Variants in DOHH observed in about 807,000 individuals in gnomAD.
DOHH encodes deoxyhypusine hydroxylase, also known as HEAT-like (PBS lyase) repeat containing 1.
In DOHH, 16 loss-of-function variants were observed where a neutral mutation model predicts 19.9. The observed-to-expected ratio is 0.80, with a 90% CI of 0.54 to 1.22. The LOEUF is 1.22. Among genes scored for constraint, DOHH ranks in the 50% most tolerant of loss-of-function variants. The pLI is 0.00. For synonymous variants in DOHH, 233 were observed against 217.0 expected (o/e 1.07, Z -0.65); for missense variants, 460 against 460.6 (o/e 1.00, Z 0.01).
At chr19:3,499,404 G>C (rs565395806) in intron 1 of DOHH, among the ~76,000 whole-genome samples, 2 of 152,298 alleles carry the variant, frequency 1.3e-5, no homozygotes, top group African/African-American at 4.8e-5. Context: ...CTGAAGGCTG[G>C]GACTGAGTCT....
In DOHH at chr19:3,496,479, G is replaced by A. The variant is rs111364814; in HGVS notation, c.274+62C>T. On this transcript the variant is annotated intron_variant, in intron 2 of 4. Coordinates refer to ENST00000427575, the MANE Select transcript of DOHH (RefSeq NM_001145165.2). This position sits in a 1 kb window ranked among gnomAD's most constrained non-coding sequence, Gnocchi z 4.8. ...ATCACCTGAGTGAGGAAGGGGACAC[G>A]TGGGGTCATGAAGAAGTGAGGCAGG... The A allele has an allele frequency of 2.9e-4, 459 of 1,566,882 alleles. 2 individuals are homozygous for A. In the African/African-American group the frequency reaches 5.0e-3, roughly 17 times the overall value.
chr19:3,495,036 G>C (rs919346307), intron 2 of DOHH, among the ~76,000 whole-genome samples: 1 of 151,318 alleles, frequency 6.6e-6, no homozygotes, highest in Non-Finnish European at 1.5e-5. Flanking sequence ...ACAATGGCGC[G>C]ATCTCCACTC....
Position 3,496,487 on chromosome 19 carries a change from A to G in DOHH, c.274+54T>C, listed in dbSNP as rs992703726. The G allele has an allele frequency of 6.3e-7, 1 of 1,576,184 alleles. No individual in the cohort carries two copies. Among genetic ancestry groups the G allele is most frequent in the African/African-American group, 1.3e-5 (1 of 74,500 alleles). ...AGTGAGGAAGGGGACACGTGGGGTC[A>G]TGAAGAAGTGAGGCAGGAGGGAGCA... is the stretch of plus-strand genomic sequence containing the variant. On this transcript the variant is annotated intron_variant, in intron 2 of 4. Transcript: ENST00000427575. This position sits in a 1 kb window ranked among gnomAD's most constrained non-coding sequence, Gnocchi z 4.8.
In DOHH at chr19:3,491,661, C is replaced by G. The variant is rs1217258097; in HGVS notation, c.740G>C (p.Gly247Ala). 1 of 1,534,594 alleles carries G rather than the reference C, an allele frequency of 6.5e-7. No homozygotes were observed. The highest frequency in any genetic ancestry group is 8.7e-7 in the Non-Finnish European group (1 of 1,144,582). The change falls in exon 5 of 5, where the codon GGC (glycine) becomes GCC (alanine). Residue 247 changes from glycine (G) to alanine (A), a missense_variant. By Grantham distance (60) the Gly-to-Ala change is moderately conservative. Transcript: ENST00000427575. The surrounding 1 kb of genome is among the most constrained non-coding windows in gnomAD (Gnocchi z 5.6). ...CAGGCAGGCGGGCCGGGCAATGGCG[C>G]CCAGGGCCTCCGCGCACTCGTGCCG... The part of the protein sequence containing the change: ...MVRHECAEAL[G>A]AIARPACLAA...
rs1368066985 is a variant in DOHH, at chr19:3,500,604, C to T, written c.-116G>A. On this transcript the variant is annotated 5_prime_UTR_variant, in exon 1 of 5. Transcript: ENST00000427575. ...GACCCGTCGGCCCGGCCAGTAACCG[C>T]AGGCGCCTCTGCCACCACCGCTTCA... 6.6e-6 allele frequency: 1 copy of T among 152,274 alleles called. No individual in the cohort carries two copies. The highest frequency in any genetic ancestry group is 1.5e-5 in the Non-Finnish European group (1 of 68,080). The allele number at this position is 152,274 out of a possible 1,614,324, so 9.4% of individuals were successfully genotyped here. A position where few individuals can be genotyped will look rare whatever the true frequency, so the allele number is the denominator to read the frequency against.
Position 3,492,493 on chromosome 19 carries a change from C to T in DOHH, c.358G>A (p.Glu120Lys), listed in dbSNP as rs1045271426. 2 of 1,379,494 alleles carry T rather than the reference C, an allele frequency of 1.4e-6. No homozygotes were observed. The highest frequency in any genetic ancestry group is 1.9e-6 in the Non-Finnish European group (2 of 1,073,206). 85.5% of individuals were successfully genotyped at this position (1,379,494 alleles called of 1,614,324 possible). ...CTGCGCACGGCCAGCTGGCAGGTCT[C>T]GGCCACCTGCGGGGAGGGGGTATCA... ...YSSDPVIEVA[E>K]TCQLAVRRLE... The change falls in exon 4 of 5, where the codon GAG becomes AAG. Residue 120 changes from glutamate to lysine, a missense_variant. Physicochemically the swap from Glu to Lys is moderately conservative, Grantham distance 56. Transcript: ENST00000427575.
Position 3,496,661 on chromosome 19 carries a change from C to A in DOHH, c.154G>T (p.Ala52Ser). 1.2e-6 allele frequency: 2 copies of A among 1,613,972 alleles called. No individual in the cohort carries two copies. Among genetic ancestry groups the A allele is most frequent in the Non-Finnish European group, 1.7e-6 (2 of 1,179,986 alleles). ...WISQAFDDDS[A>S]LLKHELAYCL... ...TAGGCCAGCTCGTGCTTGAGCAGGGCGGAATCGTCATCGAAGGCCTGGCTG... is the reference window on the plus strand; with the variant it reads ...TAGGCCAGCTCGTGCTTGAGCAGGGAGGAATCGTCATCGAAGGCCTGGCTG... The change falls in exon 2 of 5, where the codon GCC becomes TCC. Residue 52 changes from alanine (A) to serine (S), a missense_variant. By Grantham distance (99) the Ala-to-Ser change is moderately conservative. Coordinates refer to ENST00000427575, the MANE Select transcript of DOHH (RefSeq NM_001145165.2). This position sits in a 1 kb window ranked among gnomAD's most constrained non-coding sequence, Gnocchi z 4.8.
Position 3,496,748 on chromosome 19 carries a change from C to A in DOHH, c.67G>T (p.Ala23Ser). 6.2e-7 allele frequency: 1 copy of A among 1,610,392 alleles called. No homozygotes were observed. The highest frequency in any genetic ancestry group is 1.1e-5 in the South Asian group (1 of 91,002). Reference sequence around the variant, plus strand: ...AGCGTGAACAGCGCCCGGAAGCGGGCCTGCAGGGGCTGCTTGGGGTCCACC... The same window carrying A: ...AGCGTGAACAGCGCCCGGAAGCGGGACTGCAGGGGCTGCTTGGGGTCCACC... The part of the protein sequence containing the change: ...TLVDPKQPLQ[A>S]RFRALFTLRG... The change falls in exon 2 of 5, where the codon GCC (alanine) becomes TCC (serine). Residue 23 changes from alanine to serine, a missense_variant. Ala to Ser is a moderately conservative substitution (Grantham distance 99). Transcript: ENST00000427575. The surrounding 1 kb of genome is among the most constrained non-coding windows in gnomAD (Gnocchi z 4.8).
At chr19:3,494,949 G>T (rs567768759) in intron 2 of DOHH, among the ~76,000 whole-genome samples, 1 of 151,578 alleles carries the variant, frequency 6.6e-6, no homozygotes, top group South Asian at 2.1e-4. Context: ...GGTCTCCTTC[G>T]CTGTCTAGGT....
chr19:3,491,078 G>A lies in DOHH; in HGVS notation c.*414C>T, dbSNP rs2082865472. The A allele has an allele frequency of 4.8e-6, 1 of 208,000 alleles. No homozygotes were observed. The highest frequency in any genetic ancestry group is 1.7e-4 in the East Asian group (1 of 5,880). The allele number at this position is 208,000 out of a possible 1,614,324, so 12.9% of individuals were successfully genotyped here. A position where few individuals can be genotyped will look rare whatever the true frequency, so the allele number is the denominator to read the frequency against. On this transcript the variant is annotated 3_prime_UTR_variant, in exon 5 of 5. Coordinates refer to ENST00000427575, the MANE Select transcript of DOHH (RefSeq NM_001145165.2). This position sits in a 1 kb window ranked among gnomAD's most constrained non-coding sequence, Gnocchi z 5.6. ...TCGCGATCCTCCCCTGGCTCCCCTC[G>A]CGATCCTCCCTTGGCTTCCCTCGCG... is the stretch of plus-strand genomic sequence containing the variant.
chr19:3,492,505 G>A lies in DOHH; in HGVS notation c.352-6C>T, dbSNP rs2122054538. On this transcript the variant is annotated splice_region_variant and splice_polypyrimidine_tract_variant and intron_variant, in intron 3 of 4. Coordinates refer to ENST00000427575, the MANE Select transcript of DOHH (RefSeq NM_001145165.2). ...AGCTGGCAGGTCTCGGCCACCTGCG[G>A]GGAGGGGGTATCAGGCAGCGGGTTG... The A allele has an allele frequency of 3.6e-6, 5 of 1,376,830 alleles. No individual in the cohort carries two copies. The highest frequency in any genetic ancestry group is 4.7e-6 in the Non-Finnish European group (5 of 1,071,990). The allele number at this position is 1,376,830 out of a possible 1,614,324, so 85.3% of individuals were successfully genotyped here.
intron 3 of DOHH, among the ~76,000 whole-genome samples, chr19:3,492,806 G>T (rs1336535276): frequency 6.6e-6 from 1 of 152,190 alleles, no homozygotes; most frequent in East Asian, 1.9e-4. Context: ...AGGACCCTGC[G>T]GGAGGGGTGA....
intron 1 of DOHH, among the ~76,000 whole-genome samples, chr19:3,498,127 C>T (rs2082923551): frequency 1.3e-5 from 2 of 152,176 alleles, no homozygotes; most frequent in African/African-American, 4.8e-5. Flanking sequence ...CACAGGCCTC[C>T]TCGCTGTTCC....
intron 2 of DOHH, among the ~76,000 whole-genome samples, chr19:3,495,844 G>C (rs1483106072): frequency 6.6e-6 from 1 of 151,532 alleles, no homozygotes; most frequent in East Asian, 2.0e-4. Context: ...GGGAGGCAGA[G>C]GTTGCAGTGA....
Position 3,496,523 on chromosome 19 carries a change from A to G in DOHH, c.274+18T>C. 6.3e-7 allele frequency: 1 copy of G among 1,599,568 alleles called. No homozygotes were observed. On this transcript the variant is annotated intron_variant, in intron 2 of 4. Coordinates refer to ENST00000427575, the MANE Select transcript of DOHH (RefSeq NM_001145165.2). This position sits in a 1 kb window ranked among gnomAD's most constrained non-coding sequence, Gnocchi z 4.8. ...AGGCAGGAGGGAGCAGGTGCCCGGG[A>G]CACAGACAGGTGCTCACCTGCCTCA...
intron 1 of DOHH, among the ~76,000 whole-genome samples, chr19:3,499,637 T>C (rs1342005664): frequency 3.3e-5 from 5 of 151,904 alleles, no homozygotes; most frequent in Non-Finnish European, 5.9e-5. Flanking sequence ...CTGGGCGTGG[T>C]GGTGGGCGCC....
intron 3 of DOHH, among the ~76,000 whole-genome samples, 177 bp from the exon 4 acceptor site, chr19:3,492,676 G>A (rs1220242810): frequency 2.0e-5 from 3 of 152,198 alleles, no homozygotes; most frequent in African/African-American, 7.2e-5. Context: ...CCGGGGGACT[G>A]GAGGGCTGGG....
In DOHH at chr19:3,491,442, G is replaced by C. The variant is rs1568219840; in HGVS notation, c.*50C>G. On this transcript the variant is annotated 3_prime_UTR_variant, in exon 5 of 5. Coordinates refer to ENST00000427575, the MANE Select transcript of DOHH (RefSeq NM_001145165.2). The surrounding 1 kb of genome is among the most constrained non-coding windows in gnomAD (Gnocchi z 5.6). ...GTTTAGACGCCAAAGCTCTGCGGGGGAGGAGCGGCCCTCAAGAGTCCTCCG... is the reference window on the plus strand; with the variant it reads ...GTTTAGACGCCAAAGCTCTGCGGGGCAGGAGCGGCCCTCAAGAGTCCTCCG... The C allele has an allele frequency of 4.7e-6, 7 of 1,493,994 alleles. No individual in the cohort carries two copies. In the South Asian group the frequency reaches 4.9e-5, roughly 11 times the overall value. The allele number at this position is 1,493,994 out of a possible 1,614,324, so 92.5% of individuals were successfully genotyped here. A position where few individuals can be genotyped will look rare whatever the true frequency, so the allele number is the denominator to read the frequency against.
chr19:3,492,215 C>T, intron 4 of DOHH, 47 bp downstream of exon 4: 1 of 1,405,362 alleles, frequency 7.1e-7, no homozygotes, highest in Non-Finnish European at 9.2e-7. Context: ...CACTGAACCT[C>T]ACAGCGAGGC....
Sources: allele counts gnomAD v4.1 joint callset (sites outside exome capture counted in the v4.1 genomes callset), GRCh38; gene constraint gnomAD v4.1.1; non-coding constraint Gnocchi (gnomAD v3.1); transcripts MANE v1.5; gene names NCBI Gene and HGNC (gene_info 2026-07-23, HGNC 2026-07-21).